CDK15: variants seen among roughly 807,000 people sequenced by gnomAD.
CDK15 encodes the protein cyclin dependent kinase 15, also known as cyclin-dependent kinase 15.
A neutral mutation model predicts 60.3 loss-of-function variants in CDK15; 62 were observed. The observed-to-expected ratio is 1.03, with a 90% confidence interval of 0.84 to 1.27. The LOEUF (loss-of-function observed/expected upper bound fraction) is 1.27. Ranked by LOEUF, CDK15 falls within the 50% of genes most tolerant of loss-of-function variation. The pLI, the probability that CDK15 is intolerant of heterozygous loss-of-function variation, is 0.00. For synonymous variants in CDK15, 194 were observed against 195.7 expected, an observed-to-expected ratio of 0.99 and a Z score of 0.07; for missense variants, 541 against 527.8, an observed-to-expected ratio of 1.03 and a Z score of -0.25.
At chr2:201,809,888 C>T (rs1252872486) in intron 3 of CDK15, among the ~76,000 whole-genome samples, 1 of 152,022 alleles carries the variant, frequency 6.6e-6, no homozygotes, top group Non-Finnish European at 1.5e-5. Context: ...GACTCCCCCT[C>T]GCCATCAGAT....
chr2:201,879,878 C>G, intron 11 of CDK15, 150 bp from the exon 12 acceptor site: 1 of 1,054,110 alleles, frequency 9.5e-7, no homozygotes, highest in South Asian at 1.7e-5. Flanking sequence ...GGTTACTTTT[C>G]CAGTTGCCAT....
At chr2:201,850,683 G>T (rs1186293213) in intron 9 of CDK15, among the ~76,000 whole-genome samples, 2 of 152,154 alleles carry the variant, frequency 1.3e-5, no homozygotes, top group Admixed American at 1.3e-4. Flanking sequence ...TCATATGGTA[G>T]TTCCATTTTT....
At position 201,882,554 on chromosome 2, in the gene CDK15, G is replaced by GCAGCGACATCTC. The variant is rs1205666441; in HGVS notation, c.1198+2388_1198+2399dup. Among the ~76,000 whole-genome samples the GCAGCGACATCTC allele has an allele frequency of 1.3e-5, 2 of 152,072 alleles. No individual in the cohort carries two copies. The highest frequency in any genetic ancestry group is 4.8e-5 in the African/African-American group (2 of 41,408). ...CTGCCTCGGCGGACAAGCATTTCCTGCAGCGACATCTCGAATCCCCGAGGG... is the reference window on the plus strand; with the variant it reads ...CTGCCTCGGCGGACAAGCATTTCCTGCAGCGACATCTCCAGCGACATCTCGAATCCCCGAGGG... On this transcript the variant is annotated intron_variant, in intron 12 of 13. Coordinates refer to ENST00000652192, the MANE Select transcript of CDK15 (RefSeq NM_001366386.2). The surrounding 1 kb of genome is among the most constrained non-coding windows in gnomAD (Gnocchi z 4.0).
intron 8 of CDK15, among the ~76,000 whole-genome samples, chr2:201,836,010 T>TATTTA (rs1697016219): frequency 8.8e-6 from 1 of 114,028 alleles, no homozygotes; most frequent in South Asian, 2.6e-4. Flanking sequence ...ATTTATATTT[T>TATTTA]TATATTTTTA....
At chr2:201,865,851 C>T (rs1018005638) in intron 10 of CDK15, among the ~76,000 whole-genome samples, 5 of 137,516 alleles carry the variant, frequency 3.6e-5, no homozygotes, top group Non-Finnish European at 7.5e-5. Context: ...GATCGTGCCA[C>T]TGCACTCCAG....
At chr2:201,850,177 A>G (rs116250612) in intron 9 of CDK15, among the ~76,000 whole-genome samples, 3,625 of 152,260 alleles carry the variant, frequency 0.024, 146 homozygotes, top group African/African-American at 0.082. Context: ...GTGTGTGCCT[A>G]TAGTCCCTAC....
At chr2:201,822,178 T>G (rs1408906776) in intron 4 of CDK15, among the ~76,000 whole-genome samples, 1 of 152,186 alleles carries the variant, frequency 6.6e-6, no homozygotes, top group Non-Finnish European at 1.5e-5. Context: ...TTCTCCACTT[T>G]CACCTCCCTG....
Position 201,882,618 on chromosome 2 carries a change from C to G in CDK15, c.1198+2451C>G, listed in dbSNP as rs537483650. Among the ~76,000 whole-genome samples, 79 of 149,862 alleles carry G rather than the reference C, an allele frequency of 5.3e-4. No homozygotes were observed. The highest frequency in any genetic ancestry group is 1.1e-3 in the Admixed American group (16 of 15,072). On this transcript the variant is annotated intron_variant, in intron 12 of 13. Transcript: ENST00000652192. This position sits in a 1 kb window ranked among gnomAD's most constrained non-coding sequence, Gnocchi z 4.0. ...GCCGGTGCCAAGAGACAGGGAAAGG[C>G]GGGGGCAAGATTGGGTGTGTGTGCT...
Position 201,822,846 on chromosome 2 carries a change from G to C in CDK15, c.486G>C (p.Val162=). Residue 162 remains valine (V), a synonymous_variant, in exon 5 of 14, where the codon GTG becomes GTC. Coordinates refer to ENST00000652192, the MANE Select transcript of CDK15 (RefSeq NM_001366386.2). Reference sequence around the variant, plus strand: ...AGGGTTTGAAACATGCCAATATTGTGCTCCTGCATGACATAATCCACACCA... The same window carrying C: ...AGGGTTTGAAACATGCCAATATTGTCCTCCTGCATGACATAATCCACACCA... The part of the protein sequence containing the change: ...LLKGLKHANI[V]LLHDIIHTKE... The C allele has an allele frequency of 6.2e-7, 1 of 1,613,010 alleles. No homozygotes were observed.
Position 201,855,895 on chromosome 2 carries a change from G to A in CDK15, c.1009+958G>A, listed in dbSNP as rs574838305. Among the ~76,000 whole-genome samples the A allele has an allele frequency of 1.2e-3, 185 of 148,230 alleles. 1 individual carries two copies. Among genetic ancestry groups the A allele is most frequent in the African/African-American group, 4.5e-3 (179 of 39,960 alleles). ...GGCTGGAGTGCAGTGGCACGATCTC[G>A]GCTCACTGCAACCTCCACCTCCTGG... is the stretch of plus-strand genomic sequence containing the variant. On this transcript the variant is annotated intron_variant, in intron 10 of 13. Coordinates refer to ENST00000652192, the MANE Select transcript of CDK15 (RefSeq NM_001366386.2).
chr2:201,811,942 G>A lies in CDK15; in HGVS notation c.369-541G>A, dbSNP rs553751024. 2.6e-5 allele frequency among the ~76,000 whole-genome samples: 4 copies of A among 152,176 alleles called. No homozygotes were observed. In the East Asian group the frequency reaches 5.8e-4, roughly 22 times the overall value. Reference sequence around the variant, plus strand: ...AATCCCAGCACTTTGGGAGCCTGACGTGGGCAGATCACCTGAGGTCAGGAG... The same window carrying A: ...AATCCCAGCACTTTGGGAGCCTGACATGGGCAGATCACCTGAGGTCAGGAG... On this transcript the variant is annotated intron_variant, in intron 3 of 13. Coordinates refer to ENST00000652192, the MANE Select transcript of CDK15 (RefSeq NM_001366386.2).
chr2:201,861,551 GTT>G (rs538808229), intron 10 of CDK15: 225 of 680,136 alleles, frequency 3.3e-4, no homozygotes, highest in Middle Eastern at 7.5e-4. Context: ...TTGTTGGTTT[GTT>G]TTTTTTTTTT....
At chr2:201,844,330 G>C (rs897995029) in intron 8 of CDK15, among the ~76,000 whole-genome samples, 1 of 152,152 alleles carries the variant, frequency 6.6e-6, no homozygotes, top group South Asian at 2.1e-4. Context: ...GAGACCATTT[G>C]GTGGTGCCCA....
chr2:201,823,923 G>A (rs1482952228), intron 6 of CDK15, among the ~76,000 whole-genome samples, 196 bp downstream of exon 6: 2 of 152,134 alleles, frequency 1.3e-5, no homozygotes, highest in Non-Finnish European at 2.9e-5. Flanking sequence ...AAGAGTTGCT[G>A]AGTTGCTTCT....
chr2:201,844,426 A>G (rs1378911449), intron 8 of CDK15, among the ~76,000 whole-genome samples: 1 of 152,078 alleles, frequency 6.6e-6, no homozygotes, highest in African/African-American at 2.4e-5. Flanking sequence ...GTTTTCCATC[A>G]CTTTTATTTG....
At chr2:201,860,936 C>A in intron 10 of CDK15, 1 of 1,292,464 alleles carries the variant, frequency 7.7e-7, no homozygotes, top group South Asian at 1.2e-5. Context: ...AGCTATTCTG[C>A]TTTGGGCTCA....
At position 201,812,946 on chromosome 2, in the gene CDK15, T is replaced by G. The variant is rs572087380; in HGVS notation, c.448+384T>G. ...TGCCTGAACATAACATGTTGTTAGC[T>G]AGCACTTGGAGATTCTCCAGAAGGC... On this transcript the variant is annotated intron_variant, in intron 4 of 13. Transcript: ENST00000652192. 3.9e-5 allele frequency among the ~76,000 whole-genome samples: 6 copies of G among 152,314 alleles called. No individual in the cohort carries two copies. The South Asian group carries it at 1.2e-3, about 32-fold the overall frequency.
At chr2:201,849,818 AT>A in intron 9 of CDK15, among the ~76,000 whole-genome samples, 1 of 151,626 alleles carries the variant, frequency 6.6e-6, no homozygotes, top group Non-Finnish European at 1.5e-5. Context: ...ATATAAACTG[AT>A]TTTTTTTCTT....
chr2:201,888,259 A>T (rs1358026473), intron 12 of CDK15, among the ~76,000 whole-genome samples: 1 of 152,168 alleles, frequency 6.6e-6, no homozygotes, highest in Non-Finnish European at 1.5e-5. Context: ...AAAGTTTGAA[A>T]GGGGTGACAG....
Sources: allele counts gnomAD v4.1 joint callset (sites outside exome capture counted in the v4.1 genomes callset), GRCh38; gene constraint gnomAD v4.1.1; non-coding constraint Gnocchi (gnomAD v3.1); transcripts MANE v1.5; gene names NCBI Gene and HGNC (gene_info 2026-07-23, HGNC 2026-07-21).